PTPRD: variants seen among roughly 807,000 people sequenced by gnomAD.
PTPRD encodes the protein receptor-type tyrosine-protein phosphatase delta.
A neutral mutation model predicts 214.5 loss-of-function variants in PTPRD; 34 were observed. The observed-to-expected ratio is 0.16, with a 90% CI of 0.12 to 0.21. PTPRD has a LOEUF of 0.21. Ranked by LOEUF, PTPRD falls within the 10% of genes least tolerant of loss-of-function variation. PTPRD has a pLI of 1.00. For synonymous variants in PTPRD, 1,128 were observed against 845.7 expected, an observed-to-expected ratio of 1.33 and a Z score of -5.79; for missense variants, 2,545 against 2,398.7, an observed-to-expected ratio of 1.06 and a Z score of -1.27.
rs1158744931 is a variant in PTPRD at position 9,998,115 on chromosome 9, TAAA to T, written c.-472+35600_-472+35602del. On this transcript the variant is annotated intron_variant, in intron 4 of 45. Transcript: ENST00000381196. ...ATGTACCCTAGAACTTAAAGTATAA[TAAA>T]AAAAAAAAAAAATATATATATATAT... Among the ~76,000 whole-genome samples, 312 of 105,804 alleles carry T rather than the reference TAAA, an allele frequency of 2.9e-3. 16 individuals carry two copies. Among genetic ancestry groups the T allele is most frequent in the African/African-American group, 0.011 (281 of 24,474 alleles). The allele number at this position is 105,804 out of a possible 152,430, so 69.4% of individuals were successfully genotyped here. A position where few individuals can be genotyped will look rare whatever the true frequency, so the allele number is the denominator to read the frequency against.
intron 11 of PTPRD, among the ~76,000 whole-genome samples, chr9:8,906,013 A>G (rs1257404782): frequency 6.6e-6 from 1 of 152,196 alleles, no homozygotes; most frequent in Non-Finnish European, 1.5e-5. Context: ...TTAGCTTTAC[A>G]TTTCATTTTC....
At position 9,178,375 on chromosome 9, in the gene PTPRD, C is replaced by G. The variant is rs2099926209; in HGVS notation, c.-143+4929G>C. The stretch of plus-strand genomic sequence containing the variant: ...TTCCTCACTTCCTCCTTCCTTCTTT[C>G]CTTTTTTCTTTCCTTCTTTCTATCA... On this transcript the variant is annotated intron_variant, in intron 10 of 45. Coordinates refer to ENST00000381196, the MANE Select transcript of PTPRD (RefSeq NM_002839.4). 2.6e-5 allele frequency among the ~76,000 whole-genome samples: 4 copies of G among 151,752 alleles called. No homozygotes were observed. The South Asian group carries it at 8.3e-4, about 32-fold the overall frequency.
At chr9:9,256,555 G>C (rs2099977788) in intron 9 of PTPRD, among the ~76,000 whole-genome samples, 1 of 151,904 alleles carries the variant, frequency 6.6e-6, no homozygotes, top group African/African-American at 2.4e-5. Context: ...CCTTTAAAGT[G>C]AAAATGACTT....
At chr9:10,562,534 A>G (rs1363106912) in intron 2 of PTPRD, among the ~76,000 whole-genome samples, 1 of 152,174 alleles carries the variant, frequency 6.6e-6, no homozygotes, top group Non-Finnish European at 1.5e-5. Flanking sequence ...CTTTAATAAT[A>G]GAAACATCTT....
intron 5 of PTPRD, among the ~76,000 whole-genome samples, chr9:9,933,207 G>T (rs1427939287): frequency 6.6e-6 from 1 of 152,156 alleles, no homozygotes; most frequent in Admixed American, 6.5e-5. Flanking sequence ...ATAATGACAG[G>T]ATCAAATTCA....
intron 10 of PTPRD, among the ~76,000 whole-genome samples, chr9:9,174,993 T>C (rs2099923757): frequency 6.6e-6 from 1 of 151,860 alleles, no homozygotes; most frequent in Non-Finnish European, 1.5e-5. Context: ...TATAAAAGAG[T>C]ACCCAGAAAA....
chr9:10,056,408 C>T (rs2097649748), intron 3 of PTPRD, among the ~76,000 whole-genome samples: 1 of 150,518 alleles, frequency 6.6e-6, no homozygotes, highest in South Asian at 2.1e-4. Flanking sequence ...AAAAGATACC[C>T]ACAGGAGGAT....
At chr9:9,574,063 A>C (rs1183372545) in intron 8 of PTPRD, among the ~76,000 whole-genome samples, 1 of 151,898 alleles carries the variant, frequency 6.6e-6, no homozygotes, top group African/African-American at 2.4e-5. Flanking sequence ...TAAGCAACAG[A>C]TAAACTCTGA....
At chr9:9,670,626 G>C (rs944646724) in intron 7 of PTPRD, among the ~76,000 whole-genome samples, 14 of 152,222 alleles carry the variant, frequency 9.2e-5, no homozygotes, top group Non-Finnish European at 1.6e-4. Flanking sequence ...TCCTGGTGCT[G>C]TGTGCAGCTT....
chr9:9,551,508 T>C (rs1287314062), intron 8 of PTPRD, among the ~76,000 whole-genome samples: 3 of 151,880 alleles, frequency 2.0e-5, no homozygotes, highest in Admixed American at 6.6e-5. Context: ...ATATGAAAAT[T>C]CACTCTGTAT....
chr9:8,934,687 G>A lies in PTPRD; in HGVS notation c.-104+84010C>T, dbSNP rs1263758365. 5.4e-5 allele frequency among the ~76,000 whole-genome samples: 8 copies of A among 148,948 alleles called. No individual in the cohort carries two copies. The East Asian group carries it at 5.9e-4, about 11-fold the overall frequency. ...CCCTAGAGTATTATTAACTATAGTC[G>A]CCATGCTATACATGAGATTTTCAGA... is the stretch of plus-strand genomic sequence containing the variant. On this transcript the variant is annotated intron_variant, in intron 11 of 45. Coordinates refer to ENST00000381196, the MANE Select transcript of PTPRD (RefSeq NM_002839.4).
intron 12 of PTPRD, among the ~76,000 whole-genome samples, chr9:8,710,742 T>C (rs756777982): frequency 2.6e-5 from 4 of 152,194 alleles, no homozygotes; most frequent in Non-Finnish European, 5.9e-5. Flanking sequence ...TCAGAAATAA[T>C]AATTAGTATA....
At chr9:9,700,805 T>C (rs552013406) in intron 7 of PTPRD, among the ~76,000 whole-genome samples, 14 of 152,234 alleles carry the variant, frequency 9.2e-5, no homozygotes, top group East Asian at 7.7e-4. Flanking sequence ...AAATTTCTAG[T>C]AGATTTCAGG....
chr9:9,717,088 C>A (rs1037102268), intron 7 of PTPRD, among the ~76,000 whole-genome samples: 1 of 152,004 alleles, frequency 6.6e-6, no homozygotes, highest in Non-Finnish European at 1.5e-5. Flanking sequence ...GTTTTCCCAG[C>A]ACCATTTATT....
At chr9:9,181,544 C>T (rs930422817) in intron 10 of PTPRD, among the ~76,000 whole-genome samples, 8 of 152,040 alleles carry the variant, frequency 5.3e-5, no homozygotes, top group African/African-American at 1.9e-4. Context: ...AAATAGTATT[C>T]ACCAAAGCAG....
intron 8 of PTPRD, among the ~76,000 whole-genome samples, chr9:9,565,921 G>A (rs192370704): frequency 6.4e-4 from 98 of 152,042 alleles, no homozygotes; most frequent in Admixed American, 4.1e-3. Flanking sequence ...GTCTTCTATA[G>A]TAGGGAATCT....
At chr9:8,640,163 C>T (rs1237081455) in intron 12 of PTPRD, among the ~76,000 whole-genome samples, 1 of 152,038 alleles carries the variant, frequency 6.6e-6, no homozygotes, top group Non-Finnish European at 1.5e-5. Flanking sequence ...CTCCAGGGCT[C>T]AAGGATCCTC....
At chr9:8,381,212 T>G (rs1439961598) in intron 37 of PTPRD, among the ~76,000 whole-genome samples, 1 of 152,142 alleles carries the variant, frequency 6.6e-6, no homozygotes, top group Non-Finnish European at 1.5e-5. Flanking sequence ...ATAACACAAG[T>G]CACAGTTATT....
At chr9:10,461,275 T>G (rs1286424146) in intron 2 of PTPRD, among the ~76,000 whole-genome samples, 3 of 119,700 alleles carry the variant, frequency 2.5e-5, no homozygotes. Context: ...AGGAAACTCT[T>G]GTACTGTGTT....
Sources: gnomAD v4.1 joint callset for allele counts (sites outside exome capture counted in the v4.1 genomes callset) on GRCh38, gnomAD v4.1.1 for gene constraint, MANE v1.5 for transcripts, NCBI Gene and HGNC (gene_info 2026-07-23, HGNC 2026-07-21) for gene names.